Variants in ST18 observed in about 807,000 individuals in gnomAD.
ST18 encodes the protein ST18 C2H2C-type zinc finger transcription factor, also known as suppression of tumorigenicity 18 protein.
In ST18, 50 loss-of-function variants were observed where a neutral mutation model predicts 110.0. That is an observed-to-expected ratio of 0.45 (90% CI 0.36 to 0.58). ST18 has a LOEUF of 0.58. ST18 is among the 20% of genes least tolerant of loss of function. The pLI is 0.00. For synonymous variants in ST18, 461 were observed against 452.4 expected, an observed-to-expected ratio of 1.02 and a Z score of -0.24; for missense variants, 1,306 against 1,280.1, an observed-to-expected ratio of 1.02 and a Z score of -0.31.
At chr8:52,310,982 C>A (rs1374715046) in intron 2 of ST18, among the ~76,000 whole-genome samples, 1 of 152,208 alleles carries the variant, frequency 6.6e-6, no homozygotes, top group East Asian at 1.9e-4. Flanking sequence ...GACAAGTGGT[C>A]AGCTTCAAGA....
At chr8:52,303,854 G>T (rs534654286) in intron 2 of ST18, among the ~76,000 whole-genome samples, 1 of 152,318 alleles carries the variant, frequency 6.6e-6, no homozygotes, top group South Asian at 2.1e-4. Context: ...TCGTTTTCTT[G>T]TAGACATTAT....
intron 2 of ST18, among the ~76,000 whole-genome samples, chr8:52,293,749 C>T (rs1302894749): frequency 2.0e-5 from 3 of 151,996 alleles, no homozygotes; most frequent in Middle Eastern, 3.2e-3. Flanking sequence ...TAATGCTTTC[C>T]TCCTATGATT....
rs528950157 is a variant in ST18, at chr8:52,386,488, G to A, written c.-465+22840C>T. On this transcript the variant is annotated intron_variant, in intron 2 of 25. Transcript: ENST00000689386. ...TTTTTTCTTAAAAAAAAAAAAGAAT[G>A]CAATCAATTGAGAAAAACTGGGGAG... 1.6e-3 allele frequency among the ~76,000 whole-genome samples: 238 copies of A among 149,722 alleles called. 2 individuals are homozygous for A. The highest frequency in any genetic ancestry group is 4.4e-3 in the South Asian group (21 of 4,740).
At chr8:52,304,905 C>T (rs751370837) in intron 2 of ST18, among the ~76,000 whole-genome samples, 2 of 152,150 alleles carry the variant, frequency 1.3e-5, no homozygotes, top group Non-Finnish European at 2.9e-5. Flanking sequence ...GGTTCCATCA[C>T]CTTGGGGGTT....
At chr8:52,374,120 A>G (rs1047949850) in intron 2 of ST18, among the ~76,000 whole-genome samples, 1 of 152,168 alleles carries the variant, frequency 6.6e-6, no homozygotes, top group African/African-American at 2.4e-5. Context: ...GAAGGGTGCC[A>G]CCAAAATCCA....
intron 9 of ST18, among the ~76,000 whole-genome samples, chr8:52,179,447 A>G (rs566507174): frequency 7.3e-4 from 111 of 152,342 alleles, no homozygotes; most frequent in African/African-American, 2.6e-3. Flanking sequence ...AATAATGGGC[A>G]CAGTGATAAC....
intron 25 of ST18, among the ~76,000 whole-genome samples, chr8:52,114,267 G>A (rs1285842107): frequency 6.6e-6 from 1 of 152,022 alleles, no homozygotes; most frequent in Non-Finnish European, 1.5e-5. Flanking sequence ...ACCATGCTTG[G>A]CCTCCCTGTT....
Position 52,112,264 on chromosome 8 carries a change from C to T in ST18, c.*934G>A, listed in dbSNP as rs2040765948. On this transcript the variant is annotated 3_prime_UTR_variant, in exon 26 of 26. Coordinates refer to ENST00000689386, the MANE Select transcript of ST18 (RefSeq NM_001352837.2). ...TGTATTTGCTAAGTACAAATCTACA[C>T]CAATATTGTCACTTGTATATTGTAC... 2 of 152,530 alleles carry T rather than the reference C, an allele frequency of 1.3e-5. No homozygotes were observed. The highest frequency in any genetic ancestry group is 4.8e-5 in the African/African-American group (2 of 41,412). 9.4% of individuals were successfully genotyped at this position (152,530 alleles called of 1,614,324 possible).
chr8:52,159,715 T>A (rs2060934919), intron 14 of ST18, among the ~76,000 whole-genome samples: 1 of 152,144 alleles, frequency 6.6e-6, no homozygotes, highest in Admixed American at 6.5e-5. Context: ...TTGGCATATT[T>A]AGGGAGAGAG....
chr8:52,276,137 C>CAACAT (rs1328417462), intron 2 of ST18, among the ~76,000 whole-genome samples: 1 of 6,356 alleles, frequency 1.6e-4, no homozygotes, highest in African/African-American at 5.7e-4. Flanking sequence ...ACCACACACA[C>CAACAT]ACCACATGCA....
intron 3 of ST18, among the ~76,000 whole-genome samples, chr8:52,226,593 GC>G (rs946586177): frequency 1.3e-5 from 2 of 152,082 alleles, no homozygotes; most frequent in African/African-American, 4.8e-5. Context: ...TTTCTCTAAA[GC>G]CCCTTCCTGG....
intron 14 of ST18, among the ~76,000 whole-genome samples, chr8:52,160,819 T>G (rs1036828667): frequency 6.6e-6 from 1 of 152,240 alleles, no homozygotes; most frequent in African/African-American, 2.4e-5. Context: ...TCCATATTCA[T>G]GCTTCAGTTT....
At chr8:52,358,271 T>C (rs1316788735) in intron 2 of ST18, among the ~76,000 whole-genome samples, 1 of 151,924 alleles carries the variant, frequency 6.6e-6, no homozygotes, top group East Asian at 1.9e-4. Context: ...CCCAAATTAA[T>C]ATCCACCTTT....
chr8:52,169,909 T>C (rs867116170), intron 10 of ST18, among the ~76,000 whole-genome samples: 1 of 152,190 alleles, frequency 6.6e-6, no homozygotes, highest in Non-Finnish European at 1.5e-5. Context: ...AAGCCTCCAA[T>C]TGGCCCAAAT....
In ST18 at chr8:52,132,972, C is replaced by T. The variant is rs1466373627; in HGVS notation, c.2444+85G>A. 4.9e-6 allele frequency: 7 copies of T among 1,430,052 alleles called. No homozygotes were observed. In the East Asian group the frequency reaches 9.1e-5, roughly 19 times the overall value. 88.6% of individuals were successfully genotyped at this position (1,430,052 alleles called of 1,614,324 possible). On this transcript the variant is annotated intron_variant, in intron 21 of 25. Coordinates refer to ENST00000689386, the MANE Select transcript of ST18 (RefSeq NM_001352837.2). ...GGTACACCTTCCCTGAAACTCAATCCGTGTTCAATTGCATCCCAACCAAGT... is the reference window on the plus strand; with the variant it reads ...GGTACACCTTCCCTGAAACTCAATCTGTGTTCAATTGCATCCCAACCAAGT...
intron 2 of ST18, among the ~76,000 whole-genome samples, chr8:52,285,420 A>G (rs1589615323): frequency 1.3e-5 from 2 of 152,332 alleles, no homozygotes; most frequent in Admixed American, 1.3e-4. Flanking sequence ...CTATACCTCA[A>G]CAACAGAATT....
At chr8:52,121,960 C>T (rs2045027817) in intron 23 of ST18, among the ~76,000 whole-genome samples, 1 of 152,202 alleles carries the variant, frequency 6.6e-6, no homozygotes, top group Non-Finnish European at 1.5e-5. Flanking sequence ...ATTCTCCTGC[C>T]TCAGCCTCCT....
intron 2 of ST18, among the ~76,000 whole-genome samples, chr8:52,403,168 T>G (rs936057165): frequency 6.6e-6 from 1 of 151,510 alleles, no homozygotes; most frequent in Admixed American, 6.6e-5. Context: ...GGGTATGGAG[T>G]TGCTGCAGCT....
Position 52,291,717 on chromosome 8 carries a change from T to C in ST18, c.-464-61640A>G, listed in dbSNP as rs573493478. 3.9e-5 allele frequency among the ~76,000 whole-genome samples: 6 copies of C among 152,338 alleles called. No individual in the cohort carries two copies. In the East Asian group the frequency reaches 1.2e-3, roughly 29 times the overall value. ...ATGTGATTTCCATTATTTTACATAA[T>C]ATTCATATAATGGATGGATGAAAAT... On this transcript the variant is annotated intron_variant, in intron 2 of 25. Transcript: ENST00000689386.
Sources: allele counts gnomAD v4.1 joint callset (sites outside exome capture counted in the v4.1 genomes callset), GRCh38; gene constraint gnomAD v4.1.1; transcripts MANE v1.5; gene names NCBI Gene and HGNC (gene_info 2026-07-23, HGNC 2026-07-21).